Variants in FOXP2 observed in about 807,000 individuals in gnomAD.
FOXP2 encodes the protein forkhead box protein P2.
Under a neutral mutation model 115.8 loss-of-function variants are expected in FOXP2, and 12 were observed. The ratio of observed to expected loss-of-function variants is 0.10; its 90% CI spans 0.07 to 0.17. The LOEUF is 0.17. Among genes scored for constraint, FOXP2 ranks in the 10% least tolerant of loss-of-function variants. The probability of loss-of-function intolerance (pLI) is 1.00; values close to 1 mark genes in which losing one functional copy is unlikely to be tolerated. For synonymous variants in FOXP2, 328 were observed against 297.7 expected (o/e 1.10, Z -1.05); for missense variants, 629 against 843.5 (o/e 0.75, Z 3.15).
chr7:114,535,952 T>C (rs1400131675), intron 3 of FOXP2, among the ~76,000 whole-genome samples: 1 of 151,666 alleles, frequency 6.6e-6, no homozygotes, highest in Non-Finnish European at 1.5e-5. Flanking sequence ...TAATGAATAA[T>C]TCTGTGTCAC....
Position 114,380,279 on chromosome 7 carries a change from G to T in FOXP2, c.-10-46223G>T, listed in dbSNP as rs185822432. Among the ~76,000 whole-genome samples, 558 of 152,290 alleles carry T rather than the reference G, an allele frequency of 3.7e-3. 2 individuals carry two copies. Among genetic ancestry groups the T allele is most frequent in the South Asian group, 0.016 (75 of 4,824 alleles). ...TCCACATTGCTGCGTGGGCATGGAG[G>T]ACTAGGTAAGCATACTTAGAGTCTG... On this transcript the variant is annotated intron_variant, in intron 2 of 17. Coordinates refer to the FOXP2 transcript ENST00000634411.
chr7:114,572,261 A>G (rs540839699), intron 3 of FOXP2, among the ~76,000 whole-genome samples: 1 of 149,300 alleles, frequency 6.7e-6, no homozygotes, highest in South Asian at 2.1e-4. Flanking sequence ...AAAAGAAATA[A>G]TGAATGTCAA....
chr7:114,627,720 A>C (rs998740119), intron 3 of FOXP2, among the ~76,000 whole-genome samples: 1 of 152,128 alleles, frequency 6.6e-6, no homozygotes, highest in African/African-American at 2.4e-5. Context: ...AAAAGGAAGT[A>C]GTGGGAAAAA....
intron 2 of FOXP2, among the ~76,000 whole-genome samples, chr7:114,288,895 C>T (rs1486701844): frequency 1.3e-5 from 2 of 151,694 alleles, no homozygotes; most frequent in Non-Finnish European, 3.0e-5. Context: ...TTTCTTTCCC[C>T]AATCTTTACC....
chr7:114,136,711 G>T (rs927454908), intron 1 of FOXP2, among the ~76,000 whole-genome samples: 7 of 151,502 alleles, frequency 4.6e-5, no homozygotes, highest in Admixed American at 4.6e-4. Context: ...TTAAAAGAAA[G>T]AAAGTAATAC....
At chr7:114,645,417 A>T (rs1038741462) in intron 8 of FOXP2, 12 of 151,862 alleles carry the variant, frequency 7.9e-5, no homozygotes, top group Admixed American at 5.9e-4. Flanking sequence ...GCTTAAAACC[A>T]AAACTTTGTG....
At position 114,281,504 on chromosome 7, in the gene FOXP2, C is replaced by G. The variant is rs147126378; in HGVS notation, c.-101-6515C>G. The stretch of plus-strand genomic sequence containing the variant: ...TCTTACTTTTGCTCTGAGTAAAATC[C>G]AAGAAGGCAGAAACCTACAACTAAC... On this transcript the variant is annotated intron_variant, in intron 1 of 17. Coordinates refer to the FOXP2 transcript ENST00000634411. Among the ~76,000 whole-genome samples the G allele has an allele frequency of 9.3e-3, 1,421 of 152,140 alleles. 16 individuals carry two copies. Among genetic ancestry groups the G allele is most frequent in the Non-Finnish European group, 0.014 (962 of 67,978 alleles).
chr7:114,433,441 AT>A (rs1470077566), intron 2 of FOXP2, among the ~76,000 whole-genome samples: 2 of 152,036 alleles, frequency 1.3e-5, no homozygotes, highest in Non-Finnish European at 2.9e-5. Context: ...TTGAAAAAAA[AT>A]ATTTAGGCTG....
At chr7:114,542,486 C>G (rs1242988322) in intron 3 of FOXP2, among the ~76,000 whole-genome samples, 1 of 152,108 alleles carries the variant, frequency 6.6e-6, no homozygotes, top group Non-Finnish European at 1.5e-5. Flanking sequence ...AACCCTAAGG[C>G]TTTTTCCTTT....
chr7:114,151,494 G>T (rs967706877), intron 1 of FOXP2, among the ~76,000 whole-genome samples: 43 of 152,058 alleles, frequency 2.8e-4, no homozygotes, highest in Non-Finnish European at 5.6e-4. Context: ...TTTCAAAAAG[G>T]AGACAAGGTT....
upstream of FOXP2, among the ~76,000 whole-genome samples, chr7:114,410,266 C>T (rs529645633): frequency 8.5e-5 from 13 of 152,140 alleles, no homozygotes; most frequent in South Asian, 1.9e-3. Flanking sequence ...GAGACTAGAT[C>T]GGATTTTACT....
At chr7:114,653,757 C>T (rs1321029025) in intron 9 of FOXP2, among the ~76,000 whole-genome samples, 169 bp from the exon 10 acceptor site, 2 of 152,092 alleles carry the variant, frequency 1.3e-5, no homozygotes, top group Non-Finnish European at 2.9e-5. Flanking sequence ...AGTTTTTCCC[C>T]CTCCATAGCT....
At chr7:114,450,872 A>C (rs1371792037) in intron 2 of FOXP2, among the ~76,000 whole-genome samples, 1 of 152,110 alleles carries the variant, frequency 6.6e-6, no homozygotes, top group Non-Finnish European at 1.5e-5. Context: ...TAAATAATTA[A>C]AATGTATATT....
chr7:114,282,220 T>C (rs1160780000), intron 1 of FOXP2, among the ~76,000 whole-genome samples: 1 of 152,188 alleles, frequency 6.6e-6, no homozygotes, highest in Admixed American at 6.6e-5. Context: ...CTTTGCATCA[T>C]ATGCAGTCTT....
intron 11 of FOXP2, 90 bp downstream of exon 11, chr7:114,658,357 T>G: frequency 1.6e-6 from 2 of 1,269,958 alleles, no homozygotes; most frequent in South Asian, 2.5e-5. Flanking sequence ...CCAGAGCACA[T>G]GGAAACTCAT....
chr7:114,684,161 A>G (rs1439402689), intron 16 of FOXP2, among the ~76,000 whole-genome samples: 1 of 152,136 alleles, frequency 6.6e-6, no homozygotes, highest in African/African-American at 2.4e-5. Context: ...GCTTGTTTCT[A>G]AATAATACAT....
chr7:114,177,933 T>A (rs117591595), intron 1 of FOXP2, among the ~76,000 whole-genome samples: 2 of 151,964 alleles, frequency 1.3e-5, no homozygotes, highest in Non-Finnish European at 2.9e-5. Flanking sequence ...ATTATATGTC[T>A]TTTAACCAAC....
At chr7:114,394,141 A>T (rs966157071) in intron 2 of FOXP2, among the ~76,000 whole-genome samples, 1 of 152,064 alleles carries the variant, frequency 6.6e-6, no homozygotes, top group African/African-American at 2.4e-5. Context: ...CTAAAAGGAA[A>T]CTGGGCTTGA....
chr7:114,354,066 A>G (rs938797953), intron 2 of FOXP2, among the ~76,000 whole-genome samples: 3 of 152,150 alleles, frequency 2.0e-5, no homozygotes, highest in Non-Finnish European at 4.4e-5. Context: ...ATACTCACCA[A>G]TCATGTTGGG....
Sources: allele counts gnomAD v4.1 joint callset (sites outside exome capture counted in the v4.1 genomes callset), GRCh38; gene constraint gnomAD v4.1.1; transcripts MANE v1.5; gene names NCBI Gene and HGNC (gene_info 2026-07-23, HGNC 2026-07-21).